Variants in SGCD observed in about 807,000 individuals in gnomAD.
The protein encoded by SGCD is sarcoglycan delta.
In SGCD, 18 loss-of-function variants were observed where a neutral mutation model predicts 36.6. The ratio of observed to expected loss-of-function variants is 0.49; its 90% CI spans 0.34 to 0.73. The LOEUF is 0.73. Among genes scored for constraint, SGCD ranks in the 30% least tolerant of loss-of-function variants. SGCD has a pLI of 0.01. For synonymous variants in SGCD, 133 were observed against 130.6 expected, an observed-to-expected ratio of 1.02 and a Z score of -0.12; for missense variants, 387 against 346.7, an observed-to-expected ratio of 1.12 and a Z score of -0.92.
At chr5:156,536,880 G>A (rs890260974) in intron 4 of SGCD, among the ~76,000 whole-genome samples, 1 of 152,104 alleles carries the variant, frequency 6.6e-6, no homozygotes, top group African/African-American at 2.4e-5. Context: ...GCCTTTGGTT[G>A]TCTGGGCCCT....
chr5:155,983,544 C>T (rs1240637470), intron 1 of SGCD, among the ~76,000 whole-genome samples: 2 of 152,180 alleles, frequency 1.3e-5, no homozygotes, highest in Non-Finnish European at 2.9e-5. Context: ...AGATGATCTG[C>T]CTGCCTTGGC....
chr5:156,119,332 A>T (rs1435667310), intron 2 of SGCD, among the ~76,000 whole-genome samples: 1 of 152,174 alleles, frequency 6.6e-6, no homozygotes, highest in Non-Finnish European at 1.5e-5. Context: ...CTCCAGGGTC[A>T]GTTCTGAGTT....
At chr5:156,200,792 T>C (rs954686222) in intron 3 of SGCD, among the ~76,000 whole-genome samples, 10 of 152,158 alleles carry the variant, frequency 6.6e-5, no homozygotes, top group African/African-American at 2.2e-4. Context: ...CACACACCTA[T>C]GTTCTTTGTA....
At chr5:155,840,267 G>A in the SGCD span, among the ~76,000 whole-genome samples, 36 of 148,922 alleles carry the variant, frequency 2.4e-4, no homozygotes, top group Non-Finnish European at 4.0e-4. Flanking sequence ...CTTTTGAGCC[G>A]GAGTCTTGCT....
chr5:156,230,448 C>G (rs1445805491), intron 3 of SGCD, among the ~76,000 whole-genome samples: 3 of 152,158 alleles, frequency 2.0e-5, no homozygotes, highest in Non-Finnish European at 2.9e-5. Context: ...ATTGTTATCT[C>G]TCTTCTGGAT....
At chr5:155,759,488 A>T in the SGCD span, among the ~76,000 whole-genome samples, 1 of 152,132 alleles carries the variant, frequency 6.6e-6, no homozygotes, top group African/African-American at 2.4e-5. Context: ...GACTTTTTTG[A>T]AAAACTGTTT....
chr5:156,037,446 G>A (rs757695989), intron 1 of SGCD, among the ~76,000 whole-genome samples: 13 of 152,264 alleles, frequency 8.5e-5, no homozygotes, highest in Admixed American at 3.3e-4. Context: ...TCCCCTGATG[G>A]CACCTGCACA....
intron 1 of SGCD, among the ~76,000 whole-genome samples, chr5:156,002,417 TATA>T (rs1758683049): frequency 6.6e-6 from 1 of 152,242 alleles, no homozygotes; most frequent in African/African-American, 2.4e-5. Flanking sequence ...TGTGGTATTT[TATA>T]ATGACAGTCC....
At chr5:156,463,660 G>C (rs1754594827) in intron 3 of SGCD, among the ~76,000 whole-genome samples, 1 of 152,206 alleles carries the variant, frequency 6.6e-6, no homozygotes, top group Middle Eastern at 3.4e-3. Flanking sequence ...CTGAAGTTCT[G>C]TCTCCTTCAC....
chr5:156,546,898 A>G (rs1051074609), intron 4 of SGCD, among the ~76,000 whole-genome samples: 1 of 152,224 alleles, frequency 6.6e-6, no homozygotes, highest in East Asian at 1.9e-4. Context: ...GAGGTCCTTG[A>G]TGTAATTTCA....
chr5:156,247,822 A>G (rs931973986), intron 3 of SGCD, among the ~76,000 whole-genome samples: 8 of 152,326 alleles, frequency 5.3e-5, no homozygotes, highest in Non-Finnish European at 1.2e-4. Flanking sequence ...TCATTCATCT[A>G]TATTTATTGA....
chr5:155,983,580 G>T (rs1265501896), intron 1 of SGCD, among the ~76,000 whole-genome samples: 2 of 152,118 alleles, frequency 1.3e-5, no homozygotes, highest in African/African-American at 4.8e-5. Context: ...GATTACAGGT[G>T]TAAGCCACCA....
chr5:156,418,397 T>A (rs1580960977), intron 3 of SGCD, among the ~76,000 whole-genome samples: 1 of 152,152 alleles, frequency 6.6e-6, no homozygotes, highest in Non-Finnish European at 1.5e-5. Flanking sequence ...TGGTCCCAGG[T>A]GGCTCCAGCA....
chr5:156,030,330 G>A (rs1190232971), intron 1 of SGCD, among the ~76,000 whole-genome samples: 1 of 152,186 alleles, frequency 6.6e-6, no homozygotes, highest in African/African-American at 2.4e-5. Context: ...GGGTAAGAGT[G>A]AGTCCTAATC....
the SGCD span, among the ~76,000 whole-genome samples, chr5:155,770,149 G>C: frequency 1.9e-4 from 29 of 152,114 alleles, no homozygotes; most frequent in African/African-American, 7.0e-4. Flanking sequence ...CCACACCCCT[G>C]TCCCCTCCCC....
At chr5:156,167,885 A>G (rs1763250685) in intron 3 of SGCD, among the ~76,000 whole-genome samples, 1 of 152,342 alleles carries the variant, frequency 6.6e-6, no homozygotes, top group Middle Eastern at 3.4e-3. Context: ...TAGTAATGCA[A>G]AAAGGACTAA....
chr5:156,151,424 A>AAT (rs140971432), intron 3 of SGCD, among the ~76,000 whole-genome samples: 8,366 of 151,678 alleles, frequency 0.055, 761 homozygotes, highest in African/African-American at 0.16. Context: ...ACATTGAGGT[A>AAT]AGATTCCTTA....
intron 1 of SGCD, among the ~76,000 whole-genome samples, chr5:155,881,541 C>A (rs1580968675): frequency 6.6e-6 from 1 of 152,152 alleles, no homozygotes; most frequent in African/African-American, 2.4e-5. Context: ...GAGGGCCTTG[C>A]CTTGATGTTG....
chr5:156,653,626 C>A (rs1181585802), intron 7 of SGCD, among the ~76,000 whole-genome samples: 1 of 149,978 alleles, frequency 6.7e-6, no homozygotes, highest in Non-Finnish European at 1.5e-5. Flanking sequence ...GTATCTCTGA[C>A]CAATTGAAAA....
Sources: allele counts gnomAD v4.1 joint callset (sites outside exome capture counted in the v4.1 genomes callset), GRCh38; gene constraint gnomAD v4.1.1; transcripts MANE v1.5; gene names NCBI Gene and HGNC (gene_info 2026-07-23, HGNC 2026-07-21).